FRMD3: variants seen among roughly 807,000 people sequenced by gnomAD.
The protein encoded by FRMD3 is FERM domain containing 3, also known as FERM domain-containing protein 3.
In FRMD3, 33 loss-of-function variants were observed where a neutral mutation model predicts 70.2. That is an observed-to-expected ratio of 0.47 (90% CI 0.36 to 0.63). The LOEUF is 0.63. Ranked by LOEUF, FRMD3 falls within the 20% of genes least tolerant of loss-of-function variation. The pLI, the probability that FRMD3 is intolerant of heterozygous loss-of-function variation, is 0.00. For synonymous variants in FRMD3, 279 were observed against 255.9 expected (o/e 1.09, Z -0.86); for missense variants, 632 against 711.4 (o/e 0.89, Z 1.27).
At chr9:83,467,809 A>T (rs1314307876) in intron 1 of FRMD3, 2 of 1,376,454 alleles carry the variant, frequency 1.5e-6, no homozygotes, top group Non-Finnish European at 1.9e-6. Context: ...TGCCACCAAG[A>T]TCCTATTTCC....
At chr9:83,392,150 TTG>T (rs1396993859) in intron 1 of FRMD3, among the ~76,000 whole-genome samples, 10 of 152,068 alleles carry the variant, frequency 6.6e-5, no homozygotes, top group African/African-American at 2.4e-4. Context: ...CTTTCCTGCC[TTG>T]GGTACACAAG....
chr9:83,565,705 A>T, the FRMD3 span, among the ~76,000 whole-genome samples: 1 of 152,230 alleles, frequency 6.6e-6, no homozygotes, highest in East Asian at 1.9e-4. Context: ...GAATTAATGG[A>T]TGATAATTAC....
At chr9:83,475,045 C>G (rs1285370061) in intron 1 of FRMD3, among the ~76,000 whole-genome samples, 2 of 152,024 alleles carry the variant, frequency 1.3e-5, no homozygotes, top group African/African-American at 4.8e-5. Context: ...AAGAACACTC[C>G]TCGGTTGAAG....
intron 1 of FRMD3, among the ~76,000 whole-genome samples, chr9:83,397,035 C>G (rs147832408): frequency 3.1e-4 from 47 of 152,246 alleles, no homozygotes; most frequent in African/African-American, 1.1e-3. Flanking sequence ...CTGAGCTGAT[C>G]ATGGCTGACT....
At position 83,431,739 on chromosome 9, in the gene FRMD3, T is replaced by C. The variant is rs538547272; in HGVS notation, c.148-42031A>G. On this transcript the variant is annotated intron_variant, in intron 1 of 13. Coordinates refer to ENST00000304195, the MANE Select transcript of FRMD3 (RefSeq NM_174938.6). ...TTTAACTTCCCCAATTGCAGCTCCC[T>C]TACTATTTTGTCTTCTCCAGTTTTG... 3.3e-5 allele frequency among the ~76,000 whole-genome samples: 5 copies of C among 152,356 alleles called. No individual in the cohort carries two copies. The East Asian group carries it at 9.6e-4, about 29-fold the overall frequency.
At chr9:83,385,982 A>G (rs1419732485) in intron 2 of FRMD3, among the ~76,000 whole-genome samples, 1 of 152,180 alleles carries the variant, frequency 6.6e-6, no homozygotes, top group East Asian at 1.9e-4. Flanking sequence ...CCAATGCATA[A>G]TAATTGTAAG....
At chr9:83,569,332 T>C in the FRMD3 span, among the ~76,000 whole-genome samples, 1 of 152,134 alleles carries the variant, frequency 6.6e-6, no homozygotes, top group Non-Finnish European at 1.5e-5. Flanking sequence ...TTCAATAACA[T>C]TGGAAGAGAT....
intron 10 of FRMD3, among the ~76,000 whole-genome samples, chr9:83,304,775 G>A (rs1450987553): frequency 2.6e-5 from 4 of 152,210 alleles, no homozygotes; most frequent in African/African-American, 9.7e-5. Flanking sequence ...CAGTGAACCA[G>A]CACCCAGAAA....
chr9:83,531,587 G>C (rs1270708575), intron 1 of FRMD3, among the ~76,000 whole-genome samples: 1 of 152,172 alleles, frequency 6.6e-6, no homozygotes, highest in Non-Finnish European at 1.5e-5. Context: ...CATTCCAGAA[G>C]AGCTTGGTAG....
At chr9:83,481,256 G>C (rs1414311537) in intron 1 of FRMD3, among the ~76,000 whole-genome samples, 1 of 152,194 alleles carries the variant, frequency 6.6e-6, no homozygotes, top group African/African-American at 2.4e-5. Context: ...AAGTAAAAGG[G>C]AGGCCTTGCA....
intron 2 of FRMD3, among the ~76,000 whole-genome samples, chr9:83,373,277 G>A (rs1056785259): frequency 1.3e-5 from 2 of 152,154 alleles, no homozygotes; most frequent in African/African-American, 2.4e-5. Context: ...GAGCTGCATG[G>A]TTCTGTGAAA....
At chr9:83,362,591 A>T (rs1824627975) in intron 3 of FRMD3, among the ~76,000 whole-genome samples, 1 of 152,186 alleles carries the variant, frequency 6.6e-6, no homozygotes, top group African/African-American at 2.4e-5. Context: ...CAAGAATAGG[A>T]TCTTAACTAC....
intron 7 of FRMD3, 68 bp downstream of exon 7, chr9:83,313,592 G>T: frequency 7.9e-7 from 1 of 1,261,364 alleles, no homozygotes; most frequent in Non-Finnish European, 1.2e-6. Flanking sequence ...TGCCAGGCCT[G>T]CGCACAGATA....
At chr9:83,523,755 G>A (rs1829629815) in intron 1 of FRMD3, among the ~76,000 whole-genome samples, 1 of 152,170 alleles carries the variant, frequency 6.6e-6, no homozygotes, top group Admixed American at 6.5e-5. Context: ...TTGAATTACT[G>A]TATAACTTTT....
At chr9:83,404,701 C>T (rs747930173) in intron 1 of FRMD3, among the ~76,000 whole-genome samples, 16 of 152,326 alleles carry the variant, frequency 1.1e-4, no homozygotes, top group Non-Finnish European at 1.9e-4. Context: ...TGTACACACA[C>T]ATACATACAT....
the FRMD3 span, among the ~76,000 whole-genome samples, chr9:83,544,605 G>T: frequency 6.6e-6 from 1 of 152,172 alleles, no homozygotes; most frequent in African/African-American, 2.4e-5. Flanking sequence ...AAGTCAAACT[G>T]CACAACCTAA....
chr9:83,304,527 G>T (rs1402319665), intron 10 of FRMD3, among the ~76,000 whole-genome samples: 1 of 152,140 alleles, frequency 6.6e-6, no homozygotes, highest in Non-Finnish European at 1.5e-5. Context: ...GAGCTAGTCT[G>T]GGTTCTTACC....
At chr9:83,356,390 T>C (rs1193515829) in intron 3 of FRMD3, among the ~76,000 whole-genome samples, 3 of 150,570 alleles carry the variant, frequency 2.0e-5, no homozygotes, top group Admixed American at 6.6e-5. Flanking sequence ...ATTCTCCTGC[T>C]TCGGCCTCCC....
intron 3 of FRMD3, among the ~76,000 whole-genome samples, chr9:83,362,175 TTCTCTCTCTCTC>T (rs67469418): frequency 1.6e-4 from 24 of 147,034 alleles, no homozygotes; most frequent in African/African-American, 5.1e-4. Flanking sequence ...ATGCTGTTGG[TTCTCTCTCTCTC>T]TCTCTCTCTC....
Sources: allele counts gnomAD v4.1 joint callset (sites outside exome capture counted in the v4.1 genomes callset), GRCh38; gene constraint gnomAD v4.1.1; transcripts MANE v1.5; gene names NCBI Gene and HGNC (gene_info 2026-07-23, HGNC 2026-07-21).